The following STRN3 variants were observed in gnomAD, a reference collection of about 807,000 sequenced individuals.
STRN3 encodes the protein striatin-3.
In STRN3, 29 loss-of-function variants were observed where a neutral mutation model predicts 95.6. The ratio of observed to expected loss-of-function variants is 0.30; its 90% CI spans 0.23 to 0.41. The LOEUF is 0.41. STRN3 is among the 10% of genes least tolerant of loss of function. STRN3 has a pLI of 1.00. For synonymous variants in STRN3, 331 were observed against 357.6 expected (o/e 0.93, Z 0.84); for missense variants, 890 against 972.1 (o/e 0.92, Z 1.12).
intron 13 of STRN3, among the ~76,000 whole-genome samples, chr14:30,909,123 G>GA (rs1896544024): frequency 6.6e-6 from 1 of 152,190 alleles, no homozygotes; most frequent in Non-Finnish European, 1.5e-5. Context: ...AAAACTTTGT[G>GA]AATGTTCTGA....
intron 3 of STRN3, among the ~76,000 whole-genome samples, chr14:30,953,880 C>T (rs72668364): frequency 0.33 from 50,779 of 152,082 alleles, 10,433 homozygotes; most frequent in Non-Finnish European, 0.45. Flanking sequence ...TCCAACGCCT[C>T]GGCTTCCCAA....
rs180823511 is a variant in STRN3, at chr14:30,919,084, G to A, written c.1122C>T (p.Tyr374=). 19 of 1,608,552 alleles carry A rather than the reference G, an allele frequency of 1.2e-5. No individual in the cohort carries two copies. Among genetic ancestry groups the A allele is most frequent in the Middle Eastern group, 1.7e-4 (1 of 6,044 alleles). The change falls in exon 9 of 18, where the codon TAC becomes TAT. Residue 374 remains tyrosine, a synonymous_variant. Transcript: ENST00000357479. The stretch of plus-strand genomic sequence containing the variant: ...CATCTCCCAGATCAGCTATCATGTC[G>A]TAGAGTTTTGTCCTGTTGGCCCCTG... ...GVKRANRTKL[Y]DMIADLGDDE... is the part of the protein sequence containing the mutation.
chr14:30,991,431 G>A (rs1163601745), intron 1 of STRN3, among the ~76,000 whole-genome samples: 1 of 152,116 alleles, frequency 6.6e-6, no homozygotes, highest in African/African-American at 2.4e-5. Context: ...AAAGTAAATA[G>A]GACAGGCATC....
intron 15 of STRN3, among the ~76,000 whole-genome samples, chr14:30,904,217 A>T (rs1184653598): frequency 6.6e-6 from 1 of 152,190 alleles, no homozygotes; most frequent in Admixed American, 6.5e-5. Context: ...TGAACCTAGA[A>T]GATCTTGTCA....
At chr14:30,984,137 A>AG (rs1211021789) in intron 1 of STRN3, among the ~76,000 whole-genome samples, 1 of 56,152 alleles carries the variant, frequency 1.8e-5, no homozygotes, top group Non-Finnish European at 3.7e-5. Flanking sequence ...GCCCCCCCCA[A>AG]CCCCCCCCCA....
chr14:31,016,790 G>A (rs973152540), intron 1 of STRN3, among the ~76,000 whole-genome samples: 3 of 152,060 alleles, frequency 2.0e-5, no homozygotes, highest in South Asian at 2.1e-4. Flanking sequence ...TGATCCACCC[G>A]CTTTGGCCTC....
intron 1 of STRN3, chr14:31,018,785 C>A: frequency 2.1e-6 from 1 of 467,440 alleles, no homozygotes. Flanking sequence ...CAGAGAGAAG[C>A]TCAACAACTT....
chr14:30,977,793 CG>C (rs1266532875), intron 1 of STRN3, among the ~76,000 whole-genome samples: 37 of 27,648 alleles, frequency 1.3e-3, no homozygotes, highest in African/African-American at 5.6e-3. Flanking sequence ...GACTCTATCT[CG>C]AAAAAAAAAA....
At chr14:31,025,625 C>T in intron 1 of STRN3, 1 of 506,616 alleles carries the variant, frequency 2.0e-6, no homozygotes, top group South Asian at 2.2e-5. Flanking sequence ...AGGCCGCCTC[C>T]GGAGGAGCCC....
intron 3 of STRN3, 34 bp downstream of exon 3, chr14:30,955,584 TAA>T (rs56235217): frequency 3.0e-3 from 3,813 of 1,252,798 alleles, no homozygotes; most frequent in South Asian, 9.6e-3. Context: ...AAAAATGAAT[TAA>T]AAAAAAAAAA....
chr14:31,019,213 T>G (rs1883387313), intron 1 of STRN3, among the ~76,000 whole-genome samples: 1 of 152,066 alleles, frequency 6.6e-6, no homozygotes, highest in African/African-American at 2.4e-5. Flanking sequence ...GAGGCTGAAG[T>G]GGGAGGACTA....
Position 30,956,506 on chromosome 14 carries a change from T to C in STRN3, c.283-264A>G, listed in dbSNP as rs149919370. ...CATCTCTACAAAAAATTTTTTAAAT[T>C]GGCCAGGTTTAGTGGTGTGTGCCCA... On this transcript the variant is annotated intron_variant, in intron 1 of 17. Transcript: ENST00000357479. 2.9e-3 allele frequency among the ~76,000 whole-genome samples: 441 copies of C among 152,188 alleles called. 5 individuals are homozygous for C. Among genetic ancestry groups the C allele is most frequent in the African/African-American group, 0.01 (419 of 41,534 alleles).
intron 1 of STRN3, among the ~76,000 whole-genome samples, chr14:30,957,467 A>AG (rs1428212232): frequency 0.027 from 989 of 36,776 alleles, 5 homozygotes; most frequent in African/African-American, 0.086. Flanking sequence ...AAAAAAAAAA[A>AG]AAGAGAGAGA....
intron 8 of STRN3, 60 bp downstream of exon 8, chr14:30,929,141 A>G (rs536488966): frequency 7.1e-7 from 1 of 1,400,480 alleles, no homozygotes; most frequent in South Asian, 1.4e-5. Context: ...AACAGAATTG[A>G]AGAACTTTTT....
At chr14:30,965,468 C>G (rs1300266918) in intron 1 of STRN3, among the ~76,000 whole-genome samples, 1 of 152,002 alleles carries the variant, frequency 6.6e-6, no homozygotes, top group African/African-American at 2.4e-5. Flanking sequence ...AGAAACGTCA[C>G]TTGAGGCCAG....
intron 13 of STRN3, among the ~76,000 whole-genome samples, chr14:30,908,288 C>T (rs942952688): frequency 1.3e-5 from 2 of 152,142 alleles, no homozygotes; most frequent in Non-Finnish European, 2.9e-5. Flanking sequence ...TAGAAATATG[C>T]TTTTCACTTC....
intron 1 of STRN3, among the ~76,000 whole-genome samples, chr14:31,013,517 G>A (rs780115631): frequency 2.6e-5 from 4 of 152,036 alleles, no homozygotes; most frequent in Non-Finnish European, 4.4e-5. Context: ...AAAAGTAGTC[G>A]ATTACTAACT....
intron 1 of STRN3, among the ~76,000 whole-genome samples, chr14:31,007,533 T>C (rs1056186989): frequency 2.0e-5 from 3 of 152,182 alleles, no homozygotes; most frequent in Non-Finnish European, 4.4e-5. Context: ...TTATCTATAT[T>C]GGAATATGAT....
intron 5 of STRN3, among the ~76,000 whole-genome samples, chr14:30,946,832 A>G (rs1193460001): frequency 6.6e-6 from 1 of 151,960 alleles, no homozygotes; most frequent in East Asian, 1.9e-4. Context: ...ACAAAAAATT[A>G]GCCAGGAGTG....
Sources: allele counts gnomAD v4.1 joint callset (sites outside exome capture counted in the v4.1 genomes callset), GRCh38; gene constraint gnomAD v4.1.1; transcripts MANE v1.5; gene names NCBI Gene and HGNC (gene_info 2026-07-23, HGNC 2026-07-21).